ITPRID2: variants seen among roughly 807,000 people sequenced by gnomAD.
The protein encoded by ITPRID2 is protein ITPRID2.
ITPRID2 carries 60 observed loss-of-function variants against 124.3 expected under a neutral mutation model. That is an observed-to-expected ratio of 0.48 (90% CI 0.39 to 0.60). ITPRID2 has a LOEUF of 0.60. ITPRID2 is among the 20% of genes least tolerant of loss of function. The pLI is 0.00. For missense variants in ITPRID2, 1,553 were observed against 1,512.2 expected, an observed-to-expected ratio of 1.03 and a Z score of -0.45; for synonymous variants, 521 against 542.9, an observed-to-expected ratio of 0.96 and a Z score of 0.56.
At position 181,899,103 on chromosome 2, in the gene ITPRID2, C is replaced by T; in HGVS notation, c.494C>T (p.Thr165Ile). 6.2e-7 allele frequency: 1 copy of T among 1,603,528 alleles called. No homozygotes were observed. Among genetic ancestry groups the T allele is most frequent in the Non-Finnish European group, 8.5e-7 (1 of 1,174,944 alleles). ...ACTGGATCTGGGAAAAGTAGTGGGACAGTTTCAAGGTAACTTATTCTGAAA... is the reference window on the plus strand; with the variant it reads ...ACTGGATCTGGGAAAAGTAGTGGGATAGTTTCAAGGTAACTTATTCTGAAA... ...NSTGSGKSSG[T>I]VSSVSELLEL... The change falls in exon 6 of 18, where the codon ACA becomes ATA. Residue 165 changes from threonine (T) to isoleucine (I), a missense_variant. Physicochemically the swap from Thr to Ile is moderately conservative, Grantham distance 89. Coordinates refer to ENST00000431877, the MANE Select transcript of ITPRID2 (RefSeq NM_001130445.3).
chr2:181,920,642 C>A lies in ITPRID2; in HGVS notation c.3190C>A (p.Pro1064Thr). The A allele has an allele frequency of 6.2e-7, 1 of 1,613,374 alleles. No homozygotes were observed. Among genetic ancestry groups the A allele is most frequent in the East Asian group, 2.2e-5 (1 of 44,816 alleles). The change falls in exon 15 of 18, where the codon CCA becomes ACA. Residue 1064 changes from proline (P) to threonine (T), a missense_variant. Physicochemically the swap from Pro to Thr is conservative, Grantham distance 38. Coordinates refer to ENST00000431877, the MANE Select transcript of ITPRID2 (RefSeq NM_001130445.3). Reference protein sequence around the residue: ...RSADNLSCPSPLNVMEPVTEL... With the variant: ...RSADNLSCPSTLNVMEPVTEL... Reference sequence around the variant, plus strand: ...CGCTGATAACTTGTCATGCCCTTCTCCATTGAATGTAATGGAACCAGTAAG... The same window carrying A: ...CGCTGATAACTTGTCATGCCCTTCTACATTGAATGTAATGGAACCAGTAAG...
rs1454509502 is a variant in ITPRID2, at chr2:181,896,406, A to G, written c.307+327A>G. Among the ~76,000 whole-genome samples the G allele has an allele frequency of 2.0e-5, 3 of 152,024 alleles. No individual in the cohort carries two copies. Among genetic ancestry groups the G allele is most frequent in the Non-Finnish European group, 1.5e-5 (1 of 67,872 alleles). On this transcript the variant is annotated intron_variant, in intron 3 of 17. Coordinates refer to ENST00000431877, the MANE Select transcript of ITPRID2 (RefSeq NM_001130445.3). The surrounding 1 kb of genome is among the most constrained non-coding windows in gnomAD (Gnocchi z 4.3). The stretch of plus-strand genomic sequence containing the variant: ...ACAAAAGTTTAGTCAACTTTCGTGC[A>G]GCATTTCTTTGCTTACATTTACTGA...
rs375361515 is a variant in ITPRID2 at position 181,915,800 on chromosome 2, G to C, written c.2160G>C (p.Leu720Phe). 3.1e-6 allele frequency: 5 copies of C among 1,614,044 alleles called. No individual in the cohort carries two copies. The African/African-American group carries it at 6.7e-5, about 22-fold the overall frequency. The change falls in exon 11 of 18, where the codon TTG (leucine) becomes TTC (phenylalanine). Residue 720 changes from leucine (L) to phenylalanine (F), a missense_variant. Physicochemically the swap from Leu to Phe is conservative, Grantham distance 22 (BLOSUM62 0). Transcript: ENST00000431877. ...GTAGCCTGCTAAAATCAAAAGATTT[G>C]TTAAAACAAAGGTACTTATTTGCAA... is the stretch of plus-strand genomic sequence containing the variant. ...MGRSLLKSKD[L>F]LKQRYLFAKA...
rs375858290 is a variant in ITPRID2 at position 181,892,280 on chromosome 2, C to G, written c.211+3C>G. 8.5e-5 allele frequency: 131 copies of G among 1,543,840 alleles called. No individual in the cohort carries two copies. The African/African-American group carries it at 1.5e-3, about 18-fold the overall frequency. ...GCTGCCGGCAGCGGGGGGAAGAGGTCGGTGCTCCCGGCCGGGCTCCGGGGG... is the reference window on the plus strand; with the variant it reads ...GCTGCCGGCAGCGGGGGGAAGAGGTGGGTGCTCCCGGCCGGGCTCCGGGGG... On this transcript the variant is annotated splice_donor_region_variant and intron_variant, in intron 1 of 17. Transcript: ENST00000431877. The surrounding 1 kb of genome is among the most constrained non-coding windows in gnomAD (Gnocchi z 5.2).
chr2:181,915,784 T>A lies in ITPRID2; in HGVS notation c.2144T>A (p.Leu715Gln). 5 of 1,614,178 alleles carry A rather than the reference T, an allele frequency of 3.1e-6. No individual in the cohort carries two copies. The highest frequency in any genetic ancestry group is 4.2e-6 in the Non-Finnish European group (5 of 1,180,034). ...AATCAAAGGATGGGGCGTAGCCTGCTAAAATCAAAAGATTTGTTAAAACAA... is the reference window on the plus strand; with the variant it reads ...AATCAAAGGATGGGGCGTAGCCTGCAAAAATCAAAAGATTTGTTAAAACAA... ...LSNQRMGRSL[L>Q]KSKDLLKQRY... The change falls in exon 11 of 18, where the codon CTA becomes CAA. Residue 715 changes from leucine to glutamine, a missense_variant. Leu to Gln is a moderately radical substitution (Grantham distance 113). Transcript: ENST00000431877.
In ITPRID2 at chr2:181,896,129, C is replaced by G. The variant is rs189199210; in HGVS notation, c.307+50C>G. 4.7e-6 allele frequency: 7 copies of G among 1,483,518 alleles called. No individual in the cohort carries two copies. The Admixed American group carries it at 1.2e-4, about 25-fold the overall frequency. 91.9% of individuals were successfully genotyped at this position (1,483,518 alleles called of 1,614,324 possible). On this transcript the variant is annotated intron_variant, in intron 3 of 17. Coordinates refer to ENST00000431877, the MANE Select transcript of ITPRID2 (RefSeq NM_001130445.3). This position sits in a 1 kb window ranked among gnomAD's most constrained non-coding sequence, Gnocchi z 4.3. The stretch of plus-strand genomic sequence containing the variant: ...TCTGTTCTTTATGACAGTTCTACTT[C>G]TTTGTCCTCTGGGTAAAAGTGTATA...
intron 8 of ITPRID2, 78 bp from the exon 9 acceptor site, chr2:181,909,821 T>C (rs1558996192): frequency 9.4e-7 from 1 of 1,067,194 alleles, no homozygotes; most frequent in East Asian, 2.5e-5. Flanking sequence ...TTGATTTGTT[T>C]AATAGATATT....
chr2:181,900,662 T>A (rs1469184607), intron 6 of ITPRID2, 34 bp from the exon 7 acceptor site: 3 of 1,453,156 alleles, frequency 2.1e-6, no homozygotes, highest in Non-Finnish European at 2.9e-6. Flanking sequence ...ATTTTATATT[T>A]TCATGTTTCC....
In ITPRID2 at chr2:181,892,469, T is replaced by A; in HGVS notation, c.212-146T>A. The A allele has an allele frequency of 8.3e-7, 1 of 1,200,236 alleles. No homozygotes were observed. The highest frequency in any genetic ancestry group is 1.2e-6 in the Non-Finnish European group (1 of 836,744). 74.3% of individuals were successfully genotyped at this position (1,200,236 alleles called of 1,614,324 possible). The stretch of plus-strand genomic sequence containing the variant: ...CGTCAACACAGACAACTGGGTGCCA[T>A]CCGATTTCCCTGCCAAGGGACACTG... On this transcript the variant is annotated intron_variant, in intron 1 of 17. Coordinates refer to ENST00000431877, the MANE Select transcript of ITPRID2 (RefSeq NM_001130445.3). This position sits in a 1 kb window ranked among gnomAD's most constrained non-coding sequence, Gnocchi z 5.2.
Position 181,919,507 on chromosome 2 carries a change from AT to A in ITPRID2, c.3144+64del. ...AAGGTTTATTTATAATGTTCCAATAATTTAGGACGTGTGCCTTCATTTCAAG... is the reference window on the plus strand; with the variant it reads ...AAGGTTTATTTATAATGTTCCAATAATTAGGACGTGTGCCTTCATTTCAAG... On this transcript the variant is annotated intron_variant, in intron 14 of 17. Coordinates refer to ENST00000431877, the MANE Select transcript of ITPRID2 (RefSeq NM_001130445.3). This position sits in a 1 kb window ranked among gnomAD's most constrained non-coding sequence, Gnocchi z 4.2. 1 of 1,467,234 alleles carries A rather than the reference AT, an allele frequency of 6.8e-7. No individual in the cohort carries two copies. The highest frequency in any genetic ancestry group is 9.0e-7 in the Non-Finnish European group (1 of 1,111,486). The allele number at this position is 1,467,234 out of a possible 1,614,324, so 90.9% of individuals were successfully genotyped here.
chr2:181,914,070 A>G (rs1238192638), intron 10 of ITPRID2, 137 bp downstream of exon 10: 3 of 573,216 alleles, frequency 5.2e-6, no homozygotes. Context: ...TGGCATGTAG[A>G]TGTTATCTAA....
chr2:181,930,378 A>G lies in ITPRID2; in HGVS notation c.*831A>G, dbSNP rs1301495331. On this transcript the variant is annotated 3_prime_UTR_variant, in exon 18 of 18. Coordinates refer to ENST00000431877, the MANE Select transcript of ITPRID2 (RefSeq NM_001130445.3). ...AATAAGCTGGTGTTTGTTTTTTCAA[A>G]ATGGAAGTAATTTAGATTTGTTCTC... is the stretch of plus-strand genomic sequence containing the variant. 6.6e-6 allele frequency: 1 copy of G among 152,536 alleles called. No homozygotes were observed. Among genetic ancestry groups the G allele is most frequent in the Non-Finnish European group, 1.5e-5 (1 of 67,984 alleles). 9.4% of individuals were successfully genotyped at this position (152,536 alleles called of 1,614,324 possible).
chr2:181,927,188 G>A (rs945367329), intron 16 of ITPRID2, among the ~76,000 whole-genome samples: 1 of 152,214 alleles, frequency 6.6e-6, no homozygotes, highest in Non-Finnish European at 1.5e-5. Flanking sequence ...TAGTTAAGAT[G>A]TGTTTGAGAT....
chr2:181,913,076 TA>T (rs201450333), intron 9 of ITPRID2, among the ~76,000 whole-genome samples: 3 of 152,000 alleles, frequency 2.0e-5, no homozygotes, highest in Admixed American at 1.3e-4. Context: ...TTTATTTATT[TA>T]TTTTTTTTGA....
intron 8 of ITPRID2, among the ~76,000 whole-genome samples, chr2:181,903,879 T>G (rs1209719537): frequency 6.6e-6 from 1 of 152,190 alleles, no homozygotes; most frequent in Non-Finnish European, 1.5e-5. Context: ...AATTAAAGTG[T>G]AAATTTTTGC....
intron 11 of ITPRID2, chr2:181,916,982 C>G: frequency 1.0e-6 from 1 of 986,080 alleles, no homozygotes; most frequent in Non-Finnish European, 1.2e-6. Flanking sequence ...TGGAACTACT[C>G]CAGACCAGAA....
chr2:181,908,736 G>C (rs1693356484), intron 8 of ITPRID2, among the ~76,000 whole-genome samples: 1 of 151,938 alleles, frequency 6.6e-6, no homozygotes, highest in Admixed American at 6.5e-5. Context: ...TTAACCTTTG[G>C]GCTTTTAAAA....
chr2:181,915,788 A>G lies in ITPRID2; in HGVS notation c.2148A>G (p.Lys716=). The G allele has an allele frequency of 3.7e-6, 6 of 1,614,182 alleles. No homozygotes were observed. The highest frequency in any genetic ancestry group is 5.1e-6 in the Non-Finnish European group (6 of 1,180,046). ...SNQRMGRSLL[K]SKDLLKQRYL... ...AAAGGATGGGGCGTAGCCTGCTAAA[A>G]TCAAAAGATTTGTTAAAACAAAGGT... Residue 716 remains lysine (K), a synonymous_variant, in exon 11 of 18, where the codon AAA becomes AAG. Coordinates refer to ENST00000431877, the MANE Select transcript of ITPRID2 (RefSeq NM_001130445.3).
intron 6 of ITPRID2, among the ~76,000 whole-genome samples, chr2:181,899,397 G>A (rs1050081433): frequency 6.6e-6 from 1 of 152,122 alleles, no homozygotes; most frequent in African/African-American, 2.4e-5. Context: ...ACTCCATAGC[G>A]GAGTAACTTG....
Sources: allele counts gnomAD v4.1 joint callset (sites outside exome capture counted in the v4.1 genomes callset), GRCh38; gene constraint gnomAD v4.1.1; non-coding constraint Gnocchi (gnomAD v3.1); transcripts MANE v1.5; gene names NCBI Gene and HGNC (gene_info 2026-07-23, HGNC 2026-07-21).